Variants in ABI2 observed in about 807,000 individuals in gnomAD.
ABI2 encodes abl interactor 2.
Under a neutral mutation model 59.2 loss-of-function variants are expected in ABI2, and 25 were observed. The ratio of observed to expected loss-of-function variants is 0.42; its 90% CI spans 0.31 to 0.59. ABI2 has a LOEUF of 0.59. ABI2 is among the 20% of genes least tolerant of loss of function. The pLI, the probability that ABI2 is intolerant of heterozygous loss-of-function variation, is 0.14. For missense variants in ABI2, 545 were observed against 681.8 expected (o/e 0.80, Z 2.23); for synonymous variants, 213 against 235.5 (o/e 0.90, Z 0.87).
chr2:203,373,135 G>C (rs927877923), intron 2 of ABI2, among the ~76,000 whole-genome samples: 1 of 152,018 alleles, frequency 6.6e-6, no homozygotes, highest in Non-Finnish European at 1.5e-5. Context: ...AGGTTGTAGC[G>C]AGCCGAGATC....
intron 1 of ABI2, among the ~76,000 whole-genome samples, chr2:203,347,793 T>C (rs1559177952): frequency 6.6e-6 from 1 of 152,210 alleles, no homozygotes; most frequent in Non-Finnish European, 1.5e-5. Context: ...TTAATGGCTT[T>C]TTGGTTTGGC....
chr2:203,411,103 T>C (rs184068917), intron 9 of ABI2, among the ~76,000 whole-genome samples, 182 bp from the exon 10 acceptor site: 4 of 152,196 alleles, frequency 2.6e-5, no homozygotes, highest in Non-Finnish European at 5.9e-5. Context: ...TTACTAAAAA[T>C]TCCCCCAGTA....
At chr2:203,357,480 AT>A (rs1164760270) in intron 1 of ABI2, among the ~76,000 whole-genome samples, 4 of 152,244 alleles carry the variant, frequency 2.6e-5, no homozygotes, top group African/African-American at 9.6e-5. Context: ...TCTCACGAAG[AT>A]TAACCTCTGA....
At chr2:203,392,949 C>T (rs1183228452) in intron 5 of ABI2, among the ~76,000 whole-genome samples, 1 of 145,248 alleles carries the variant, frequency 6.9e-6, no homozygotes, top group Non-Finnish European at 1.5e-5. Context: ...CTAGTCACCA[C>T]ATTTTGTTCC....
At chr2:203,355,941 T>G (rs1258562849) in intron 1 of ABI2, among the ~76,000 whole-genome samples, 1 of 151,898 alleles carries the variant, frequency 6.6e-6, no homozygotes, top group Non-Finnish European at 1.5e-5. Context: ...TGGAAATAAT[T>G]TTTTCCCCAG....
chr2:203,362,482 A>G (rs1406617923), intron 1 of ABI2, among the ~76,000 whole-genome samples: 1 of 151,836 alleles, frequency 6.6e-6, no homozygotes, highest in East Asian at 1.9e-4. Context: ...ATTGAGTTTT[A>G]CTATATTTTA....
chr2:203,427,304 G>A lies in ABI2; in HGVS notation c.1581G>A (p.Gly527=). The A allele has an allele frequency of 1.9e-6, 3 of 1,614,032 alleles. No homozygotes were observed. The highest frequency in any genetic ancestry group is 2.5e-6 in the Non-Finnish European group (3 of 1,179,992). ...WYEGVMNGVT[G]LFPGNYVESI... ...AGGGAGTTATGAATGGAGTGACTGG[G>A]CTTTTTCCTGGGAATTACGTTGAGT... The change falls in exon 12 of 12, where the codon GGG becomes GGA. Residue 527 remains glycine, a synonymous_variant. Coordinates refer to ENST00000261018, the MANE Select transcript of ABI2 (RefSeq NM_001375670.1).
chr2:203,346,149 CA>C lies in ABI2; in HGVS notation c.117+17531del, dbSNP rs1051436115. On this transcript the variant is annotated intron_variant, in intron 1 of 11. Transcript: ENST00000261018. ...GGGTGACAAGAGTGAAACTCCATCTCAAAAAAAAAAAAATTGCTTGTAATTC... is the reference window on the plus strand; with the variant it reads ...GGGTGACAAGAGTGAAACTCCATCTCAAAAAAAAAAAATTGCTTGTAATTC... Among the ~76,000 whole-genome samples the C allele has an allele frequency of 2.2e-3, 302 of 137,066 alleles. 2 individuals are homozygous for C. The highest frequency in any genetic ancestry group is 0.011 in the East Asian group (51 of 4,760). 89.9% of individuals were successfully genotyped at this position (137,066 alleles called of 152,430 possible). A position where few individuals can be genotyped will look rare whatever the true frequency, so the allele number is the denominator to read the frequency against.
Position 203,430,881 on chromosome 2 carries a change from C to CA in ABI2, c.*3533dup, listed in dbSNP as rs2098478503. The CA allele has an allele frequency of 6.6e-6, 1 of 152,188 alleles. No individual in the cohort carries two copies. The highest frequency in any genetic ancestry group is 2.4e-5 in the African/African-American group (1 of 41,440). The allele number at this position is 152,188 out of a possible 1,614,324, so 9.4% of individuals were successfully genotyped here. ...AAAGATTTTTCTCTTTGGGAGGCAT[C>CA]AAAATGATGGTAGTTTGCTTTTATC... On this transcript the variant is annotated 3_prime_UTR_variant, in exon 12 of 12. Transcript: ENST00000261018.
intron 1 of ABI2, among the ~76,000 whole-genome samples, chr2:203,329,605 AT>A (rs1019434583): frequency 2.7e-5 from 4 of 148,952 alleles, no homozygotes; most frequent in African/African-American, 7.4e-5. Context: ...TTCTGCCTCC[AT>A]TTTTTTTCTT....
At chr2:203,395,485 A>ACACACAC (rs1553589685) in intron 6 of ABI2, among the ~76,000 whole-genome samples, 171 bp from the exon 7 acceptor site, 1 of 146,098 alleles carries the variant, frequency 6.8e-6, no homozygotes. Context: ...ACACACACAC[A>ACACACAC]TTTTTTTTTA....
chr2:203,412,556 C>T (rs913389381), intron 10 of ABI2, among the ~76,000 whole-genome samples: 1 of 152,164 alleles, frequency 6.6e-6, no homozygotes, highest in African/African-American at 2.4e-5. Context: ...GTAATGTTTA[C>T]CACACCGTGA....
intron 8 of ABI2, among the ~76,000 whole-genome samples, chr2:203,398,716 T>A (rs1438817565): frequency 6.6e-6 from 1 of 152,190 alleles, no homozygotes; most frequent in Non-Finnish European, 1.5e-5. Context: ...AGTCCTTCCC[T>A]TCCACTCCCA....
chr2:203,405,804 A>G (rs1275515693), intron 9 of ABI2, among the ~76,000 whole-genome samples: 1 of 152,154 alleles, frequency 6.6e-6, no homozygotes, highest in Non-Finnish European at 1.5e-5. Context: ...ATATAAATTC[A>G]GTGGGGTTCT....
chr2:203,356,550 G>A (rs890041268), intron 1 of ABI2, among the ~76,000 whole-genome samples: 1 of 151,962 alleles, frequency 6.6e-6, no homozygotes, highest in African/African-American at 2.4e-5. Context: ...TTGTATTTTA[G>A]TAGAGACGGG....
Position 203,348,869 on chromosome 2 carries a change from A to G in ABI2, c.118-18008A>G, listed in dbSNP as rs543401302. 2.6e-5 allele frequency among the ~76,000 whole-genome samples: 4 copies of G among 151,706 alleles called. No individual in the cohort carries two copies. The East Asian group carries it at 7.7e-4, about 29-fold the overall frequency. ...TTTATTTTTAATTAAAAATTTTTTTAAAAAATAGTACAAAGCCCCCTGAAC... is the reference window on the plus strand; with the variant it reads ...TTTATTTTTAATTAAAAATTTTTTTGAAAAATAGTACAAAGCCCCCTGAAC... On this transcript the variant is annotated intron_variant, in intron 1 of 11. Transcript: ENST00000261018.
chr2:203,390,933 T>C (rs1446199368), intron 4 of ABI2, 113 bp from the exon 5 acceptor site: 6 of 771,786 alleles, frequency 7.8e-6, no homozygotes, highest in Non-Finnish European at 8.9e-6. Flanking sequence ...CTCTAATTTT[T>C]TTCCCTTTAT....
chr2:203,391,010 C>A, intron 4 of ABI2, 36 bp from the exon 5 acceptor site: 1 of 1,545,678 alleles, frequency 6.5e-7, no homozygotes, highest in Non-Finnish European at 8.9e-7. Context: ...CTTTATTTCA[C>A]TGCATACAAG....
At chr2:203,371,225 G>T (rs2095147821) in intron 2 of ABI2, among the ~76,000 whole-genome samples, 1 of 152,084 alleles carries the variant, frequency 6.6e-6, no homozygotes, top group Non-Finnish European at 1.5e-5. Context: ...GTGTCCACTG[G>T]TCTCAACCCT....
Sources: allele counts gnomAD v4.1 joint callset (sites outside exome capture counted in the v4.1 genomes callset), GRCh38; gene constraint gnomAD v4.1.1; transcripts MANE v1.5; gene names NCBI Gene and HGNC (gene_info 2026-07-23, HGNC 2026-07-21).